Variants in APPL1 observed in about 807,000 individuals in gnomAD.
APPL1 encodes the protein adaptor protein, phosphotyrosine interacting with PH domain and leucine zipper 1, also known as DCC-interacting protein 13-alpha.
Under a neutral mutation model 106.8 loss-of-function variants are expected in APPL1, and 42 were observed. The ratio of observed to expected loss-of-function variants is 0.39; its 90% CI spans 0.31 to 0.51. The LOEUF is 0.51. APPL1 is among the 20% of genes least tolerant of loss of function. The probability of loss-of-function intolerance (pLI) is 0.75; values close to 1 mark genes in which losing one functional copy is unlikely to be tolerated. For synonymous variants in APPL1, 263 were observed against 281.8 expected (o/e 0.93, Z 0.67); for missense variants, 769 against 858.2 (o/e 0.90, Z 1.30).
chr3:57,235,718 A>C, intron 2 of APPL1, 54 bp downstream of exon 2: 261 of 1,281,984 alleles, frequency 2.0e-4, no homozygotes, highest in Non-Finnish European at 2.7e-4. Flanking sequence ...TTTAAGCCTC[A>C]TGAGGACAGA....
rs933549231 is a variant in APPL1, at chr3:57,270,182, A to G, written c.*495A>G. The G allele has an allele frequency of 3.9e-5, 6 of 152,756 alleles. No individual in the cohort carries two copies. The highest frequency in any genetic ancestry group is 5.9e-5 in the Non-Finnish European group (4 of 68,114). 9.5% of individuals were successfully genotyped at this position (152,756 alleles called of 1,614,324 possible). On this transcript the variant is annotated 3_prime_UTR_variant, in exon 22 of 22. Transcript: ENST00000288266. ...ATATTTTAACAATATTAAATGTGCA[A>G]TAGAACTTTTATAAAATAATTAGAA...
chr3:57,242,836 C>T lies in APPL1; in HGVS notation c.416-20C>T, dbSNP rs753593834. The T allele has an allele frequency of 1.3e-6, 2 of 1,584,860 alleles. No individual in the cohort carries two copies. The highest frequency in any genetic ancestry group is 2.2e-5 in the East Asian group (1 of 44,688). On this transcript the variant is annotated intron_variant, in intron 6 of 21. Transcript: ENST00000288266. ...TTGAAAAGTACTGTTGTATTGTTAA[C>T]ACTCATTTCTTTTTTCCAGATCATG... is the stretch of plus-strand genomic sequence containing the variant.
In APPL1 at chr3:57,257,404, C is replaced by CA; in HGVS notation, c.1410dup (p.Ala471SerfsTer22). On this transcript the variant is annotated frameshift_variant, in exon 15 of 22. Coordinates refer to ENST00000288266, the MANE Select transcript of APPL1 (RefSeq NM_012096.3). LOFTEE classifies it high-confidence loss of function. ...GTGTGTGAAGATCAGCCTGGCCAGG[C>CA]AAAAGCCTTTGGCCAGGGAGGCAGG... 6.2e-7 allele frequency: 1 copy of CA among 1,613,164 alleles called. No individual in the cohort carries two copies. The highest frequency in any genetic ancestry group is 8.5e-7 in the Non-Finnish European group (1 of 1,179,526).
At chr3:57,267,849 T>C in intron 20 of APPL1, 57 bp downstream of exon 20, 1 of 1,578,550 alleles carries the variant, frequency 6.3e-7, no homozygotes, top group Middle Eastern at 1.7e-4. Context: ...CGCAGCACAT[T>C]GGGAGGCCGA....
At chr3:57,265,521 A>G (rs1166788721) in intron 19 of APPL1, among the ~76,000 whole-genome samples, 1 of 152,184 alleles carries the variant, frequency 6.6e-6, no homozygotes, top group Non-Finnish European at 1.5e-5. Context: ...TGGCTATTGT[A>G]AGTGAGATTA....
chr3:57,238,886 T>G (rs2060730765), intron 4 of APPL1, among the ~76,000 whole-genome samples: 1 of 152,216 alleles, frequency 6.6e-6, no homozygotes. Context: ...GACATTTTCA[T>G]CATCTCAAAG....
rs2060725691 is a variant in APPL1, at chr3:57,238,100, C to T, written c.269C>T (p.Ser90Leu). ...EVMSSTLQQFSKVIDELSSCH... is the reference protein window; with the variant it reads ...EVMSSTLQQFLKVIDELSSCH... The stretch of plus-strand genomic sequence containing the variant: ...ATGAGCTCTACATTGCAACAGTTTT[C>T]AAAAGTTATAGATGAGGTAAACGTT... Residue 90 changes from serine (S) to leucine (L), a missense_variant, in exon 4 of 22, where the codon TCA (serine) becomes TTA (leucine). By Grantham distance (145) the Ser-to-Leu change is moderately radical. Coordinates refer to ENST00000288266, the MANE Select transcript of APPL1 (RefSeq NM_012096.3). 1 of 1,610,324 alleles carries T rather than the reference C, an allele frequency of 6.2e-7. No individual in the cohort carries two copies. Among genetic ancestry groups the T allele is most frequent in the African/African-American group, 1.3e-5 (1 of 74,768 alleles).
chr3:57,249,867 A>G (rs1170442843), intron 11 of APPL1, among the ~76,000 whole-genome samples: 1 of 152,206 alleles, frequency 6.6e-6, no homozygotes, highest in Non-Finnish European at 1.5e-5. Context: ...ACCTGGGGTC[A>G]GAAGGATCAA....
rs764655063 is a variant in APPL1 at position 57,249,482 on chromosome 3, C to G, written c.986C>G (p.Ser329Ter). 1 of 1,614,058 alleles carries G rather than the reference C, an allele frequency of 6.2e-7. No homozygotes were observed. Among genetic ancestry groups the G allele is most frequent in the South Asian group, 1.1e-5 (1 of 91,064 alleles). The part of the protein sequence containing the change: ...GGLAMDIDNC[S>*]VMAVDCEDRR... Reference sequence around the variant, plus strand: ...CTGGCCATGGACATAGACAACTGTTCAGTGATGGCTGTGGACTGTGAAGAC... The same window carrying G: ...CTGGCCATGGACATAGACAACTGTTGAGTGATGGCTGTGGACTGTGAAGAC... The change falls in exon 11 of 22, where the codon TCA (serine) becomes TGA (stop). Residue 329 changes from serine (S) to a stop codon, truncating the protein, a stop_gained. Coordinates refer to ENST00000288266, the MANE Select transcript of APPL1 (RefSeq NM_012096.3). LOFTEE classifies it high-confidence loss of function.
chr3:57,244,473 T>G lies in APPL1; in HGVS notation c.474+1559T>G, dbSNP rs2060762552. Among the ~76,000 whole-genome samples, 3 of 152,134 alleles carry G rather than the reference T, an allele frequency of 2.0e-5. No individual in the cohort carries two copies. In the South Asian group the frequency reaches 6.2e-4, roughly 31 times the overall value. On this transcript the variant is annotated intron_variant, in intron 7 of 21. Coordinates refer to ENST00000288266, the MANE Select transcript of APPL1 (RefSeq NM_012096.3). ...ACATGGCCAGCAAAGGTTACACTTT[T>G]AGAAGGTGACATTTACATTAAAGAT...
intron 6 of APPL1, 117 bp downstream of exon 6, chr3:57,242,259 A>T (rs1463565676): frequency 1.3e-6 from 1 of 744,140 alleles, no homozygotes; most frequent in African/African-American, 1.8e-5. Flanking sequence ...ATAAGTGAAC[A>T]TTACTTAAAT....
chr3:57,252,757 C>T (rs1207332728), intron 12 of APPL1, among the ~76,000 whole-genome samples: 1 of 152,136 alleles, frequency 6.6e-6, no homozygotes, highest in East Asian at 1.9e-4. Context: ...ATTTGGGAGT[C>T]TCTGTTCTTC....
intron 15 of APPL1, among the ~76,000 whole-genome samples, chr3:57,258,569 C>T (rs1387202465): frequency 6.6e-6 from 1 of 152,164 alleles, no homozygotes; most frequent in Non-Finnish European, 1.5e-5. Context: ...TTTCTTTTTG[C>T]ATTGTTACTT....
At chr3:57,229,751 T>G (rs1428135573) in intron 1 of APPL1, among the ~76,000 whole-genome samples, 1 of 149,006 alleles carries the variant, frequency 6.7e-6, no homozygotes, top group East Asian at 2.0e-4. Flanking sequence ...TTTGCTCTTG[T>G]TGCCCAGGCT....
rs753038546 is a variant in APPL1, at chr3:57,242,868, C to T, written c.428C>T (p.Ala143Val). 2 of 1,610,670 alleles carry T rather than the reference C, an allele frequency of 1.2e-6. No homozygotes were observed. The highest frequency in any genetic ancestry group is 2.2e-5 in the South Asian group (2 of 90,942). The change falls in exon 7 of 22, where the codon GCG (alanine) becomes GTG (valine). Residue 143 changes from alanine to valine, a missense_variant. By Grantham distance (64) the Ala-to-Val change is moderately conservative. Transcript: ENST00000288266. ...FQIASNDHDA[A>V]INRYSRLSKK... The stretch of plus-strand genomic sequence containing the variant: ...TTCTTTTTTCCAGATCATGATGCTG[C>T]GATTAATAGATATAGCCGTTTATCA...
At chr3:57,230,930 T>C (rs1201506864) in intron 1 of APPL1, among the ~76,000 whole-genome samples, 4 of 152,004 alleles carry the variant, frequency 2.6e-5, no homozygotes, top group Admixed American at 2.0e-4. Flanking sequence ...GGAGTTTCGC[T>C]CTTGTCGCCT....
At chr3:57,234,624 C>T (rs2060706477) in intron 1 of APPL1, among the ~76,000 whole-genome samples, 1 of 151,430 alleles carries the variant, frequency 6.6e-6, no homozygotes, top group Non-Finnish European at 1.5e-5. Flanking sequence ...TACTTATAAG[C>T]TTTCCCCCTT....
chr3:57,251,048 C>T (rs2060801948), intron 11 of APPL1, among the ~76,000 whole-genome samples: 1 of 148,544 alleles, frequency 6.7e-6, no homozygotes, highest in African/African-American at 2.4e-5. Flanking sequence ...ACCTCGTGAT[C>T]CGCCCGCCTC....
At chr3:57,245,786 C>T (rs527967856) in intron 7 of APPL1, among the ~76,000 whole-genome samples, 5 of 152,054 alleles carry the variant, frequency 3.3e-5, no homozygotes, top group East Asian at 1.9e-4. Flanking sequence ...CTCAAGTGAT[C>T]GTCCCGCCTC....
Sources: gnomAD v4.1 joint callset for allele counts (sites outside exome capture counted in the v4.1 genomes callset) on GRCh38, gnomAD v4.1.1 for gene constraint, MANE v1.5 for transcripts, NCBI Gene and HGNC (gene_info 2026-07-23, HGNC 2026-07-21) for gene names.